Variants in LNX1 observed in about 807,000 individuals in gnomAD.
LNX1 encodes the protein E3 ubiquitin-protein ligase LNX.
Under a neutral mutation model 68.4 loss-of-function variants are expected in LNX1, and 54 were observed. That is an observed-to-expected ratio of 0.79 (90% CI 0.63 to 0.99). The LOEUF is 0.99. Ranked by LOEUF, LNX1 falls within the 50% of genes least tolerant of loss-of-function variation. LNX1 has a pLI of 0.00. For missense variants in LNX1, 906 were observed against 926.4 expected (o/e 0.98, Z 0.29); for synonymous variants, 336 against 350.0 (o/e 0.96, Z 0.45).
At chr4:53,631,068 AC>A (rs950570576) in intron 1 of LNX1, among the ~76,000 whole-genome samples, 4 of 152,172 alleles carry the variant, frequency 2.6e-5, no homozygotes, top group Non-Finnish European at 5.9e-5. Context: ...AGTTCTATGG[AC>A]CGCTGGGTCA....
exon 1 of LNX1, chr4:53,617,320 AT>A (rs1267500951): frequency 6.6e-6 from 1 of 152,194 alleles, no homozygotes; most frequent in Non-Finnish European, 1.5e-5. Flanking sequence ...CACAGCTTTC[AT>A]TTTTGAAGGT....
chr4:53,563,727 G>A (rs1330705622), intron 2 of LNX1, among the ~76,000 whole-genome samples: 6 of 152,056 alleles, frequency 3.9e-5, no homozygotes, highest in Non-Finnish European at 8.8e-5. Context: ...TAGAGACGGG[G>A]TTTCACCATT....
chr4:53,479,633 A>G (rs1723790199), intron 7 of LNX1, among the ~76,000 whole-genome samples: 1 of 100,364 alleles, frequency 1.0e-5, no homozygotes, highest in Non-Finnish European at 2.7e-5. Context: ...GAAAGAGATG[A>G]CTTTTCTATC....
intron 1 of LNX1, among the ~76,000 whole-genome samples, chr4:53,643,423 T>A (rs549147488): frequency 2.0e-5 from 3 of 152,224 alleles, no homozygotes; most frequent in Admixed American, 2.0e-4. Context: ...GTGCTGGGAT[T>A]ACAGGGCTGA....
intron 2 of LNX1, among the ~76,000 whole-genome samples, chr4:53,555,981 G>T (rs1167554876): frequency 1.3e-5 from 2 of 152,190 alleles, no homozygotes; most frequent in African/African-American, 4.8e-5. Context: ...GAATCTTTGT[G>T]TAGGAATAGC....
intron 1 of LNX1, among the ~76,000 whole-genome samples, chr4:53,646,644 C>A (rs889455827): frequency 6.6e-6 from 1 of 152,104 alleles, no homozygotes; most frequent in Admixed American, 6.6e-5. Context: ...TATGAAATCT[C>A]CTGATTGTTA....
intron 2 of LNX1, among the ~76,000 whole-genome samples, chr4:53,562,002 A>G (rs1194595142): frequency 1.3e-5 from 2 of 152,236 alleles, no homozygotes; most frequent in South Asian, 4.1e-4. Context: ...TATGTTTTCA[A>G]CTTCTCTCTT....
intron 1 of LNX1, 53 bp downstream of exon 1, chr4:53,591,335 C>T: frequency 1.0e-6 from 1 of 953,568 alleles, no homozygotes; most frequent in Non-Finnish European, 1.2e-6. Context: ...TCAGATCCCT[C>T]AGGGGCCAGT....
Position 53,601,772 on chromosome 4 carries a change from C to G in LNX1, c.-214-10257G>C, listed in dbSNP as rs555014332. Among the ~76,000 whole-genome samples the G allele has an allele frequency of 2.6e-5, 4 of 152,288 alleles. No individual in the cohort carries two copies. In the South Asian group the frequency reaches 8.3e-4, roughly 32 times the overall value. ...GGCTCCAGCTCTACTTTCAACTCAT[C>G]TCAAGATGGCATCTTCTCCAGGATA... On this transcript the variant is annotated intron_variant, in intron 2 of 3. Coordinates refer to the LNX1 transcript ENST00000504299.
chr4:53,460,741 T>A lies in LNX1; in HGVS notation c.*166A>T. 1.6e-6 allele frequency: 1 copy of A among 642,168 alleles called. No individual in the cohort carries two copies. Among genetic ancestry groups the A allele is most frequent in the South Asian group, 2.4e-5 (1 of 42,494 alleles). The allele number at this position is 642,168 out of a possible 1,614,324, so 39.8% of individuals were successfully genotyped here. A position where few individuals can be genotyped will look rare whatever the true frequency, so the allele number is the denominator to read the frequency against. On this transcript the variant is annotated 3_prime_UTR_variant, in exon 11 of 11. Transcript: ENST00000263925. ...ACTAGTAGTTTTAATTTTTTTGGAA[T>A]CATATTTTCTGAGGTGTAACTGGCT...
At chr4:53,588,637 T>G (rs968085418) in intron 1 of LNX1, among the ~76,000 whole-genome samples, 4 of 152,130 alleles carry the variant, frequency 2.6e-5, no homozygotes, top group African/African-American at 9.7e-5. Context: ...CTTGCTTCAG[T>G]TGTAAGGATG....
intron 6 of LNX1, among the ~76,000 whole-genome samples, chr4:53,493,686 C>T (rs1724855704): frequency 6.6e-6 from 1 of 152,208 alleles, no homozygotes; most frequent in East Asian, 1.9e-4. Flanking sequence ...GATGATCACC[C>T]TCTGTGGAAC....
chr4:53,482,025 G>A (rs111903043), intron 6 of LNX1, among the ~76,000 whole-genome samples, 171 bp from the exon 7 acceptor site: 5 of 152,348 alleles, frequency 3.3e-5, no homozygotes, highest in East Asian at 1.9e-4. Flanking sequence ...CCAAGAGCAT[G>A]AGAGCTCTTT....
At chr4:53,604,210 T>G (rs1733137179) in intron 2 of LNX1, among the ~76,000 whole-genome samples, 1 of 152,202 alleles carries the variant, frequency 6.6e-6, no homozygotes, top group African/African-American at 2.4e-5. Context: ...TGTATTACTC[T>G]TTCCCTGCTG....
chr4:53,505,145 AG>A (rs765462557), intron 4 of LNX1, among the ~76,000 whole-genome samples: 1 of 152,264 alleles, frequency 6.6e-6, no homozygotes, highest in Non-Finnish European at 1.5e-5. Flanking sequence ...CTTGATGCCA[AG>A]AACTACATTT....
chr4:53,473,946 T>A (rs1723400091), intron 9 of LNX1, among the ~76,000 whole-genome samples: 1 of 152,146 alleles, frequency 6.6e-6, no homozygotes, highest in African/African-American at 2.4e-5. Context: ...AATAGAACAG[T>A]TATTTTGAAC....
intron 1 of LNX1, among the ~76,000 whole-genome samples, chr4:53,640,969 C>T (rs564734900): frequency 6.6e-6 from 1 of 152,316 alleles, no homozygotes; most frequent in South Asian, 2.1e-4. Flanking sequence ...GGGGCTGAGG[C>T]CTGGCCGTTG....
chr4:53,464,515 ACAAT>A (rs1342412035), intron 9 of LNX1, among the ~76,000 whole-genome samples: 4 of 26,862 alleles, frequency 1.5e-4, no homozygotes, highest in Non-Finnish European at 1.8e-4. Flanking sequence ...ATTAATATGG[ACAAT>A]CAGTGTTATA....
chr4:53,489,198 C>T (rs1338905395), intron 6 of LNX1, among the ~76,000 whole-genome samples: 1 of 151,806 alleles, frequency 6.6e-6, no homozygotes, highest in Non-Finnish European at 1.5e-5. Flanking sequence ...ATCAGTCTGG[C>T]CAAGGAGAGA....
Sources: allele counts gnomAD v4.1 joint callset (sites outside exome capture counted in the v4.1 genomes callset), GRCh38; gene constraint gnomAD v4.1.1; transcripts MANE v1.5; gene names NCBI Gene and HGNC (gene_info 2026-07-23, HGNC 2026-07-21).